EYA4: variants seen among roughly 807,000 people sequenced by gnomAD.
EYA4 encodes EYA transcriptional coactivator and phosphatase 4.
Under a neutral mutation model 87.9 loss-of-function variants are expected in EYA4, and 31 were observed. That is an observed-to-expected ratio of 0.35 (90% CI 0.27 to 0.48). EYA4 has a LOEUF of 0.48. EYA4 is among the 20% of genes least tolerant of loss of function. EYA4 has a pLI of 0.99. For synonymous variants in EYA4, 263 were observed against 270.6 expected (o/e 0.97, Z 0.28); for missense variants, 678 against 761.4 (o/e 0.89, Z 1.29).
At chr6:133,406,196 G>A (rs1490681571) in intron 3 of EYA4, among the ~76,000 whole-genome samples, 3 of 152,132 alleles carry the variant, frequency 2.0e-5, no homozygotes, top group Non-Finnish European at 4.4e-5. Context: ...GGTATTTTAA[G>A]GAAAGTAAAA....
intron 2 of EYA4, among the ~76,000 whole-genome samples, chr6:133,346,675 TATCACTTTCATCTGGCAGGTATGCTC>T (rs1441965320): frequency 2.0e-5 from 3 of 152,202 alleles, no homozygotes; most frequent in Admixed American, 6.5e-5. Flanking sequence ...TCTGTCTTCC[TATCACTTTCATCTGGCAGGTATGCTC>T]ATTTTCCTGT....
intron 2 of EYA4, among the ~76,000 whole-genome samples, chr6:133,330,582 C>T (rs1484232787): frequency 1.3e-5 from 2 of 150,322 alleles, no homozygotes; most frequent in Non-Finnish European, 3.0e-5. Flanking sequence ...CACACACACA[C>T]ACACACACAC....
Position 133,468,694 on chromosome 6 carries a change from G to C in EYA4, c.933G>C (p.Gln311His). 5 of 1,613,102 alleles carry C rather than the reference G, an allele frequency of 3.1e-6. No individual in the cohort carries two copies. Among genetic ancestry groups the C allele is most frequent in the Non-Finnish European group, 4.2e-6 (5 of 1,179,328 alleles). ...CACCCTCTTCAACCTCTACTTATCA[G>C]TTGCAGGAATCTCTCCCAGGACTGA... The part of the protein sequence containing the change: ...DGTPSSTSTY[Q>H]LQESLPGLTN... The change falls in exon 11 of 20, where the codon CAG (glutamine) becomes CAC (histidine). Residue 311 changes from glutamine to histidine, a missense_variant. Physicochemically the swap from Gln to His is conservative, Grantham distance 24. Coordinates refer to ENST00000355286, the MANE Select transcript of EYA4 (RefSeq NM_004100.5).
chr6:133,464,848 G>A lies in EYA4; in HGVS notation c.794G>A (p.Gly265Asp). Residue 265 changes from glycine to aspartate, a missense_variant, in exon 10 of 20, where the codon GGT becomes GAT. By Grantham distance (94) the Gly-to-Asp change is moderately conservative. Transcript: ENST00000355286. ...NSVSNSTNFS[G>D]SQQDYPSYTA... ...GTTTCCAATTCAACGAATTTCAGTG[G>A]TTCACAACAGGTATAGTAGCTTTTT... 1.2e-6 allele frequency: 2 copies of A among 1,606,186 alleles called. No homozygotes were observed. Among genetic ancestry groups the A allele is most frequent in the Non-Finnish European group, 1.7e-6 (2 of 1,173,748 alleles).
chr6:133,498,370 A>G (rs1178338754), intron 13 of EYA4, among the ~76,000 whole-genome samples: 1 of 152,194 alleles, frequency 6.6e-6, no homozygotes, highest in Non-Finnish European at 1.5e-5. Flanking sequence ...TAAAATAAGG[A>G]GAATAATAAA....
intron 5 of EYA4, among the ~76,000 whole-genome samples, chr6:133,455,290 T>C (rs1022885401): frequency 9.2e-5 from 14 of 152,194 alleles, no homozygotes; most frequent in African/African-American, 3.1e-4. Context: ...CTTCAGATCA[T>C]TGTTGCTCTT....
Position 133,468,623 on chromosome 6 carries a change from TCA to T in EYA4, c.863_864del (p.Ser288TyrfsTer10). 1 of 1,612,954 alleles carries T rather than the reference TCA, an allele frequency of 6.2e-7. No homozygotes were observed. ...QNQYAQYYSA[S>X]TYGAYMTSNN... ...CCAGTATGCACAGTATTATTCAGCA[TCA>T]ACGTATGGAGCGTATATGACATCGA... On this transcript the variant is annotated frameshift_variant, in exon 11 of 20. Coordinates refer to ENST00000355286, the MANE Select transcript of EYA4 (RefSeq NM_004100.5). LOFTEE classifies it high-confidence loss of function.
intron 1 of EYA4, among the ~76,000 whole-genome samples, chr6:133,274,398 A>G (rs1010313381): frequency 5.9e-5 from 9 of 152,308 alleles, no homozygotes; most frequent in African/African-American, 9.6e-5. Flanking sequence ...TAATCTGTCA[A>G]TTGCTTGATG....
At chr6:133,407,405 CAA>C (rs1363759329) in intron 3 of EYA4, among the ~76,000 whole-genome samples, 1 of 152,046 alleles carries the variant, frequency 6.6e-6, no homozygotes, top group Non-Finnish European at 1.5e-5. Context: ...CCTACAGGTG[CAA>C]ACTCTTTCCA....
At chr6:133,247,890 G>A (rs1392627938) in intron 1 of EYA4, 3 of 151,944 alleles carry the variant, frequency 2.0e-5, no homozygotes, top group Admixed American at 2.0e-4. Flanking sequence ...CTGACAAAAG[G>A]GGTTAATTCA....
At chr6:133,320,137 CTT>C (rs764354283) in intron 2 of EYA4, among the ~76,000 whole-genome samples, 28 of 135,364 alleles carry the variant, frequency 2.1e-4, no homozygotes, top group African/African-American at 2.4e-4. Flanking sequence ...ATGACCATTC[CTT>C]TTTTTTTTTT....
intron 2 of EYA4, among the ~76,000 whole-genome samples, chr6:133,341,839 T>C (rs1412215796): frequency 6.6e-6 from 1 of 151,766 alleles, no homozygotes; most frequent in Non-Finnish European, 1.5e-5. Flanking sequence ...AAATAGTTAG[T>C]GTGGAATGGA....
At chr6:133,460,267 G>C (rs28360637) in intron 6 of EYA4, among the ~76,000 whole-genome samples, 12 of 151,928 alleles carry the variant, frequency 7.9e-5, no homozygotes, top group African/African-American at 2.9e-4. Flanking sequence ...CTGTGTGCTC[G>C]CTCAGTGTGG....
At position 133,530,315 on chromosome 6, in the gene EYA4, C is replaced by G; in HGVS notation, c.*1510C>G. On this transcript the variant is annotated 3_prime_UTR_variant, in exon 20 of 20. Transcript: ENST00000355286. The stretch of plus-strand genomic sequence containing the variant: ...GGATGGCATTCATTACAAGAAGAGC[C>G]CATCATCGTTGTGTTTGCATGGTTT... The G allele has an allele frequency of 1.0e-6, 1 of 985,346 alleles. No homozygotes were observed. Among genetic ancestry groups the G allele is most frequent in the Non-Finnish European group, 1.2e-6 (1 of 829,928 alleles). The allele number at this position is 985,346 out of a possible 1,614,324, so 61.0% of individuals were successfully genotyped here.
rs151216539 is a variant in EYA4 at position 133,526,474 on chromosome 6, T to C, written c.1839+1220T>C. 1.8e-4 allele frequency among the ~76,000 whole-genome samples: 28 copies of C among 152,328 alleles called. No individual in the cohort carries two copies. The East Asian group carries it at 4.4e-3, about 24-fold the overall frequency. The stretch of plus-strand genomic sequence containing the variant: ...GGAAATGATGTATGTTTCTAGTCGA[T>C]TTAAATCAAGCAAAATGGAGAAAAG... On this transcript the variant is annotated intron_variant, in intron 19 of 19. Coordinates refer to ENST00000355286, the MANE Select transcript of EYA4 (RefSeq NM_004100.5).
intron 14 of EYA4, among the ~76,000 whole-genome samples, chr6:133,508,998 G>A (rs1200161713): frequency 4.6e-5 from 7 of 152,148 alleles, no homozygotes; most frequent in Admixed American, 4.6e-4. Flanking sequence ...AAATAATTGA[G>A]TTTCTGCAGA....
intron 3 of EYA4, among the ~76,000 whole-genome samples, chr6:133,430,171 G>T (rs755870460): frequency 2.0e-5 from 3 of 152,074 alleles, no homozygotes; most frequent in Non-Finnish European, 4.4e-5. Flanking sequence ...ACCTCCAGCT[G>T]GTACATACAT....
Position 133,529,378 on chromosome 6 carries a change from G to T in EYA4, c.*573G>T. On this transcript the variant is annotated 3_prime_UTR_variant, in exon 20 of 20. Coordinates refer to ENST00000355286, the MANE Select transcript of EYA4 (RefSeq NM_004100.5). ...ATTTTTCTTTCTTTTGTTGGGGAGG[G>T]GAATGGGAGGGGAAATGGGAATATA... is the stretch of plus-strand genomic sequence containing the variant. 4.0e-6 allele frequency: 4 copies of T among 994,354 alleles called. No homozygotes were observed. The highest frequency in any genetic ancestry group is 4.8e-6 in the Non-Finnish European group (4 of 834,340). The allele number at this position is 994,354 out of a possible 1,614,324, so 61.6% of individuals were successfully genotyped here. A position where few individuals can be genotyped will look rare whatever the true frequency, so the allele number is the denominator to read the frequency against.
chr6:133,271,790 T>TG (rs1372902326), intron 1 of EYA4, among the ~76,000 whole-genome samples: 45 of 152,176 alleles, frequency 3.0e-4, no homozygotes, highest in Non-Finnish European at 1.3e-4. Flanking sequence ...CAGGGGTGGC[T>TG]GGGGAAAGAG....
Sources: allele counts gnomAD v4.1 joint callset (sites outside exome capture counted in the v4.1 genomes callset), GRCh38; gene constraint gnomAD v4.1.1; transcripts MANE v1.5; gene names NCBI Gene and HGNC (gene_info 2026-07-23, HGNC 2026-07-21).